Variants in AMOT observed in about 807,000 individuals in gnomAD.
AMOT encodes angiomotin.
Under a neutral mutation model 67.0 loss-of-function variants are expected in AMOT, and 11 were observed. That is an observed-to-expected ratio of 0.16 (90% CI 0.10 to 0.27). The LOEUF (loss-of-function observed/expected upper bound fraction) is 0.27, where lower values mean the gene tolerates loss of function less well. Among genes scored for constraint, AMOT ranks in the 10% least tolerant of loss-of-function variants. The pLI, the probability that AMOT is intolerant of heterozygous loss-of-function variation, is 1.00. For missense variants in AMOT, 753 were observed against 852.0 expected (o/e 0.88, Z 1.45); for synonymous variants, 326 against 321.4 (o/e 1.01, Z -0.15).
chrX:112,775,669 C>T lies in AMOT; in HGVS notation c.*2898G>A, dbSNP rs766595376. The T allele has an allele frequency of 2.7e-5, 3 of 112,391 alleles. No individual in the cohort carries two copies. The highest frequency in any genetic ancestry group is 6.5e-5 in the African/African-American group (2 of 30,858). 9.3% of individuals were successfully genotyped at this position (112,391 alleles called of 1,213,427 possible). On this transcript the variant is annotated 3_prime_UTR_variant, in exon 14 of 14. Coordinates refer to ENST00000371959, the MANE Select transcript of AMOT (RefSeq NM_001113490.2). ...AGATACATGATTTTAAAAGAAAGCT[C>T]AAGCTACTTTTTATTTCAAAAAAAG...
chrX:112,814,640 G>A (rs964677153), intron 5 of AMOT, among the ~76,000 whole-genome samples: 1 of 112,249 alleles, frequency 8.9e-6, no homozygotes, highest in Non-Finnish European at 1.9e-5. Flanking sequence ...AGTCCCAATG[G>A]GGGTGGGCAG....
At chrX:112,826,257 T>C (rs923417283) in intron 2 of AMOT, among the ~76,000 whole-genome samples, 2 of 112,012 alleles carry the variant, frequency 1.8e-5, no homozygotes, top group African/African-American at 6.5e-5. Context: ...AGTGACTCCA[T>C]GAGAGGAGGA....
At chrX:112,829,261 G>A (rs1320566263) in intron 2 of AMOT, among the ~76,000 whole-genome samples, 1 of 111,539 alleles carries the variant, frequency 9.0e-6, no homozygotes, top group African/African-American at 3.3e-5. Context: ...GGAGGTGATT[G>A]GATCATGGGG....
chrX:112,837,020 G>A (rs900632127), intron 1 of AMOT, among the ~76,000 whole-genome samples: 2 of 111,130 alleles, frequency 1.8e-5, no homozygotes, highest in Admixed American at 9.7e-5. Flanking sequence ...GGCATCAGTC[G>A]CCATTATTTA....
chrX:112,776,412 T>G lies in AMOT; in HGVS notation c.*2155A>C, dbSNP rs1932940636. Reference sequence around the variant, plus strand: ...TTTTCTCCTTATGACTAAAGGGTAGTATGAAAGAGTCTTAACACAACTGCA... The same window carrying G: ...TTTTCTCCTTATGACTAAAGGGTAGGATGAAAGAGTCTTAACACAACTGCA... On this transcript the variant is annotated 3_prime_UTR_variant, in exon 14 of 14. Transcript: ENST00000371959. 1 of 112,314 alleles carries G rather than the reference T, an allele frequency of 8.9e-6. No individual in the cohort carries two copies. The highest frequency in any genetic ancestry group is 1.9e-5 in the Non-Finnish European group (1 of 53,283). 9.3% of individuals were successfully genotyped at this position (112,314 alleles called of 1,213,427 possible). A position where few individuals can be genotyped will look rare whatever the true frequency, so the allele number is the denominator to read the frequency against.
chrX:112,796,121 C>CT (rs1383927775), intron 8 of AMOT, among the ~76,000 whole-genome samples: 2 of 111,292 alleles, frequency 1.8e-5, no homozygotes, highest in Non-Finnish European at 3.8e-5. Context: ...TCAGAATCCC[C>CT]TTTTCACCTT....
At chrX:112,816,414 A>G (rs1256103012) in intron 4 of AMOT, among the ~76,000 whole-genome samples, 2 of 111,416 alleles carry the variant, frequency 1.8e-5, no homozygotes, top group Admixed American at 1.9e-4. Context: ...ACAAAAAAAA[A>G]GAAAAAAAAC....
At chrX:112,837,320 T>A (rs530160953) in intron 1 of AMOT, among the ~76,000 whole-genome samples, 1 of 111,908 alleles carries the variant, frequency 8.9e-6, no homozygotes, top group South Asian at 3.7e-4. Flanking sequence ...TAAGCGATAA[T>A]CATTACAAAT....
At chrX:112,834,929 T>C (rs1451191317) in intron 1 of AMOT, among the ~76,000 whole-genome samples, 2 of 112,099 alleles carry the variant, frequency 1.8e-5, no homozygotes, top group Non-Finnish European at 3.8e-5. Context: ...AACTGTTTAA[T>C]TTTTTTTCCA....
chrX:112,825,603 G>T (rs1934823187), intron 2 of AMOT, among the ~76,000 whole-genome samples: 1 of 110,833 alleles, frequency 9.0e-6, no homozygotes, highest in Admixed American at 9.6e-5. Flanking sequence ...GGAGGTTAGT[G>T]AGGCTCACTG....
intron 8 of AMOT, among the ~76,000 whole-genome samples, chrX:112,799,139 T>A (rs182297937): frequency 0.019 from 2,167 of 112,508 alleles, 57 homozygotes; most frequent in African/African-American, 0.066. Context: ...ATGTTTTAGA[T>A]TTAAGAGATC....
At chrX:112,780,052 G>A (rs1933092887) in intron 12 of AMOT, among the ~76,000 whole-genome samples, 1 of 110,711 alleles carries the variant, frequency 9.0e-6, no homozygotes, top group Non-Finnish European at 1.9e-5. Context: ...GTTCCACCAA[G>A]TTGTCAGAAT....
intron 6 of AMOT, 34 bp from the exon 7 acceptor site, chrX:112,810,020 A>T (rs1319515517): frequency 8.1e-6 from 9 of 1,115,946 alleles, no homozygotes; most frequent in Non-Finnish European, 1.1e-5. Context: ...CAGGGTCTCA[A>T]ATGTAAACTT....
At chrX:112,820,299 G>T (rs1447067856) in intron 4 of AMOT, among the ~76,000 whole-genome samples, 2 of 111,278 alleles carry the variant, frequency 1.8e-5, no homozygotes, top group Non-Finnish European at 3.8e-5. Flanking sequence ...TTTGAGGACA[G>T]AAAGAAAGAG....
intron 1 of AMOT, among the ~76,000 whole-genome samples, chrX:112,839,594 GT>G (rs1935236450): frequency 1.8e-5 from 2 of 111,669 alleles, no homozygotes; most frequent in Non-Finnish European, 3.8e-5. Flanking sequence ...TGAAAATGCT[GT>G]TTCTCACCAA....
chrX:112,821,257 G>A (rs146091635), intron 4 of AMOT, among the ~76,000 whole-genome samples: 5 of 111,360 alleles, frequency 4.5e-5, no homozygotes, highest in African/African-American at 9.8e-5. Flanking sequence ...GCCAGCCTAG[G>A]ACCAAGCACT....
intron 8 of AMOT, among the ~76,000 whole-genome samples, chrX:112,793,686 C>G (rs1933695778): frequency 8.9e-6 from 1 of 112,226 alleles, no homozygotes; most frequent in South Asian, 3.7e-4. Flanking sequence ...TTGACATTTC[C>G]TTTCATTCCA....
At chrX:112,803,591 C>T (rs1231662855) in intron 8 of AMOT, among the ~76,000 whole-genome samples, 1 of 111,853 alleles carries the variant, frequency 8.9e-6, no homozygotes, top group African/African-American at 3.3e-5. Flanking sequence ...GCAAGTCAGG[C>T]TAAGGGATAT....
intron 1 of AMOT, among the ~76,000 whole-genome samples, chrX:112,834,206 T>C (rs1275572281): frequency 8.9e-6 from 1 of 112,025 alleles, no homozygotes; most frequent in Non-Finnish European, 1.9e-5. Context: ...GTCATTCTCC[T>C]TTCAATTATG....
Sources: allele counts gnomAD v4.1 joint callset (sites outside exome capture counted in the v4.1 genomes callset), GRCh38; gene constraint gnomAD v4.1.1; transcripts MANE v1.5; gene names NCBI Gene and HGNC (gene_info 2026-07-23, HGNC 2026-07-21).